Variants in COG5 observed in about 807,000 individuals in gnomAD.
COG5 encodes the protein component of oligomeric golgi complex 5.
COG5 carries 86 observed loss-of-function variants against 110.4 expected under a neutral mutation model. The observed-to-expected ratio is 0.78, with a 90% CI of 0.65 to 0.93. The LOEUF (loss-of-function observed/expected upper bound fraction) is 0.93, where lower values mean the gene tolerates loss of function less well. COG5 is among the 40% of genes least tolerant of loss of function. COG5 has a pLI of 0.00. For missense variants in COG5, 1,077 were observed against 987.0 expected (o/e 1.09, Z -1.22); for synonymous variants, 360 against 334.6 (o/e 1.08, Z -0.83).
intron 6 of COG5, among the ~76,000 whole-genome samples, chr7:107,521,767 G>C (rs1245142937): frequency 6.6e-6 from 1 of 152,166 alleles, no homozygotes; most frequent in African/African-American, 2.4e-5. Flanking sequence ...ATTTGCCCCA[G>C]CAATCCCATT....
At chr7:107,453,178 G>C (rs1795446270) in intron 6 of COG5, among the ~76,000 whole-genome samples, 1 of 152,114 alleles carries the variant, frequency 6.6e-6, no homozygotes, top group East Asian at 1.9e-4. Flanking sequence ...AAAATAATCT[G>C]AACAATAGTC....
At position 107,283,686 on chromosome 7, in the gene COG5, A is replaced by G; in HGVS notation, c.1360T>C (p.Tyr454His). The change falls in exon 13 of 22, where the codon TAT becomes CAT. Residue 454 changes from tyrosine (Y) to histidine (H), a missense_variant. Transcript: ENST00000297135. ...KDSLQPYEAA[Y>H]LSKSLSRLFD... ...AGTCGAGATAAGGATTTTGATAGAT[A>G]AGCAGCCTCATAGGGTTGTAGTGAG... The G allele has an allele frequency of 6.2e-7, 1 of 1,614,048 alleles. No homozygotes were observed. Among genetic ancestry groups the G allele is most frequent in the Non-Finnish European group, 8.5e-7 (1 of 1,179,948 alleles).
At chr7:107,260,940 AG>A (rs1803287000) in intron 14 of COG5, among the ~76,000 whole-genome samples, 1 of 151,460 alleles carries the variant, frequency 6.6e-6, no homozygotes, top group African/African-American at 2.4e-5. Context: ...CTCTTGTCAT[AG>A]TTTTTTTGTT....
intron 6 of COG5, among the ~76,000 whole-genome samples, chr7:107,460,778 T>C (rs564750060): frequency 6.6e-5 from 10 of 152,062 alleles, no homozygotes; most frequent in Admixed American, 3.9e-4. Context: ...AGGGAAGATA[T>C]CTGCACAGAT....
rs1396418214 is a variant in COG5 at position 107,298,213 on chromosome 7, G to T, written c.1242C>A (p.Asp414Glu). Reference sequence around the variant, plus strand: ...CCATGTGTTGTAGGTCAACATAGAGGTCTGTAGTTCCACTTGCATTAAAAT... The same window carrying T: ...CCATGTGTTGTAGGTCAACATAGAGTTCTGTAGTTCCACTTGCATTAAAAT... The part of the protein sequence containing the change: ...QGNFNASGTT[D>E]LYVDLQHMED... Residue 414 changes from aspartate to glutamate, a missense_variant, in exon 12 of 22, where the codon GAC (aspartate) becomes GAA (glutamate). Physicochemically the swap from Asp to Glu is conservative, Grantham distance 45. Coordinates refer to ENST00000297135, the MANE Select transcript of COG5 (RefSeq NM_006348.5). 7.4e-6 allele frequency: 12 copies of T among 1,613,670 alleles called. 1 individual carries two copies. The highest frequency in any genetic ancestry group is 1.0e-5 in the Non-Finnish European group (12 of 1,179,740).
At chr7:107,269,341 G>A (rs1804059496) in intron 14 of COG5, among the ~76,000 whole-genome samples, 1 of 152,070 alleles carries the variant, frequency 6.6e-6, no homozygotes, top group South Asian at 2.1e-4. Context: ...CGGGTGTGGT[G>A]GCGGACGCCT....
At chr7:107,414,835 C>G (rs1483095363) in intron 6 of COG5, among the ~76,000 whole-genome samples, 3 of 148,950 alleles carry the variant, frequency 2.0e-5, no homozygotes, top group Non-Finnish European at 1.5e-5. Flanking sequence ...CAAAGTGATT[C>G]CCCTGCCTCA....
chr7:107,232,619 A>G (rs1177546266), intron 18 of COG5, among the ~76,000 whole-genome samples: 47 of 152,236 alleles, frequency 3.1e-4, no homozygotes, highest in Admixed American at 3.1e-3. Flanking sequence ...ATGATTATGC[A>G]AAAGATTTCT....
intron 6 of COG5, chr7:107,471,411 T>C (rs1041908656): frequency 3.3e-5 from 5 of 152,022 alleles, no homozygotes; most frequent in Admixed American, 2.6e-4. Context: ...ACTGACAATA[T>C]GAAGAATGCA....
intron 3 of COG5, among the ~76,000 whole-genome samples, chr7:107,551,928 C>A (rs1802919125): frequency 6.6e-6 from 1 of 152,194 alleles, no homozygotes; most frequent in Non-Finnish European, 1.5e-5. Flanking sequence ...ACACTTCAAT[C>A]TTTTATGTTC....
At chr7:107,455,650 T>TGA (rs968504340) in intron 6 of COG5, among the ~76,000 whole-genome samples, 84 of 152,176 alleles carry the variant, frequency 5.5e-4, no homozygotes, top group South Asian at 2.5e-3. Flanking sequence ...ATAACACCTG[T>TGA]GAGAGAGAGA....
intron 10 of COG5, among the ~76,000 whole-genome samples, chr7:107,329,716 C>G (rs1360130759): frequency 6.6e-6 from 1 of 150,590 alleles, no homozygotes; most frequent in Non-Finnish European, 1.5e-5. Context: ...ACAGCGAGAC[C>G]CCCCCCGTTT....
intron 12 of COG5, among the ~76,000 whole-genome samples, chr7:107,297,915 A>G (rs1806896495): frequency 6.6e-6 from 1 of 152,156 alleles, no homozygotes; most frequent in South Asian, 2.1e-4. Context: ...TTAGTGTTAC[A>G]CTTTAAAATT....
At chr7:107,333,620 A>C (rs1466709410) in intron 10 of COG5, among the ~76,000 whole-genome samples, 1 of 152,202 alleles carries the variant, frequency 6.6e-6, no homozygotes. Flanking sequence ...TAGAACAGAT[A>C]GCATTTATTA....
At chr7:107,523,528 A>G (rs1217105379) in intron 6 of COG5, among the ~76,000 whole-genome samples, 1 of 152,030 alleles carries the variant, frequency 6.6e-6, no homozygotes, top group Non-Finnish European at 1.5e-5. Flanking sequence ...AAGAATGTAA[A>G]CATTGGCTGG....
chr7:107,414,703 C>CTTTTTTT lies in COG5; in HGVS notation c.539-2078_539-2072dup, dbSNP rs530323655. On this transcript the variant is annotated intron_variant, in intron 6 of 21. Coordinates refer to ENST00000297135, the MANE Select transcript of COG5 (RefSeq NM_006348.5). Reference sequence around the variant, plus strand: ...ATTGATTCCAAAATCCTCACTGTCCCTTTTTTTTTTTTTTTTTTTTTTTTT... The same window carrying CTTTTTTT: ...ATTGATTCCAAAATCCTCACTGTCCCTTTTTTTTTTTTTTTTTTTTTTTTTTTTTTTT... Among the ~76,000 whole-genome samples, 78 of 61,706 alleles carry CTTTTTTT rather than the reference C, an allele frequency of 1.3e-3. 16 individuals carry two copies. The highest frequency in any genetic ancestry group is 2.8e-3 in the East Asian group (7 of 2,484). The allele number at this position is 61,706 out of a possible 152,430, so 40.5% of individuals were successfully genotyped here.
At chr7:107,257,177 G>C (rs951251399) in intron 15 of COG5, among the ~76,000 whole-genome samples, 1 of 152,012 alleles carries the variant, frequency 6.6e-6, no homozygotes, top group African/African-American at 2.4e-5. Flanking sequence ...AAAAATGTCA[G>C]CATTTCAATT....
chr7:107,255,302 C>T (rs537771824), intron 16 of COG5, among the ~76,000 whole-genome samples: 18 of 152,106 alleles, frequency 1.2e-4, no homozygotes, highest in African/African-American at 4.3e-4. Flanking sequence ...TTTTAAAGCA[C>T]ATTAGGGGAA....
chr7:107,293,621 T>C (rs1230454019), intron 12 of COG5, among the ~76,000 whole-genome samples: 3 of 152,200 alleles, frequency 2.0e-5, no homozygotes. Context: ...TTAGTTGTCC[T>C]CCTATCTCAC....
Sources: allele counts gnomAD v4.1 joint callset (sites outside exome capture counted in the v4.1 genomes callset), GRCh38; gene constraint gnomAD v4.1.1; transcripts MANE v1.5; gene names NCBI Gene and HGNC (gene_info 2026-07-23, HGNC 2026-07-21).